The following TMEM132C variants were observed in gnomAD, a reference collection of about 807,000 sequenced individuals.
TMEM132C encodes transmembrane protein 132C.
TMEM132C carries 29 observed loss-of-function variants against 61.4 expected under a neutral mutation model. The ratio of observed to expected loss-of-function variants is 0.47; its 90% confidence interval spans 0.35 to 0.64. TMEM132C has a LOEUF of 0.64. Among genes scored for constraint, TMEM132C ranks in the 30% least tolerant of loss-of-function variants. The pLI, the probability that TMEM132C is intolerant of heterozygous loss-of-function variation, is 0.00. For synonymous variants in TMEM132C, 656 were observed against 633.1 expected (o/e 1.04, Z -0.54); for missense variants, 1,408 against 1,476.9 (o/e 0.95, Z 0.76).
intron 2 of TMEM132C, among the ~76,000 whole-genome samples, chr12:128,455,811 G>A (rs7305644): frequency 6.6e-6 from 1 of 152,110 alleles, no homozygotes; most frequent in Admixed American, 6.6e-5. Context: ...GCCGACTTAC[G>A]GGCTGTGGGG....
intron 1 of TMEM132C, among the ~76,000 whole-genome samples, chr12:128,301,440 T>C (rs12422299): frequency 0.08 from 12,252 of 152,210 alleles, 702 homozygotes; most frequent in East Asian, 0.21. Flanking sequence ...AATTTATTAG[T>C]AGTAGTATTA....
intron 5 of TMEM132C, 80 bp downstream of exon 5, chr12:128,669,640 G>A (rs1256509192): frequency 2.7e-6 from 4 of 1,491,884 alleles, no homozygotes; most frequent in Non-Finnish European, 2.7e-6. Context: ...CATTTAGACT[G>A]AAATACATGA....
chr12:128,653,280 G>A (rs947657543), intron 4 of TMEM132C, among the ~76,000 whole-genome samples: 2 of 152,118 alleles, frequency 1.3e-5, no homozygotes, highest in African/African-American at 4.8e-5. Flanking sequence ...GGGGGGGATG[G>A]GAGTGCCTGC....
chr12:128,695,408 C>T (rs1241882676), intron 6 of TMEM132C, among the ~76,000 whole-genome samples: 1 of 151,944 alleles, frequency 6.6e-6, no homozygotes, highest in South Asian at 2.1e-4. Context: ...CCTGTATTCC[C>T]AGCTATTCAG....
At position 128,514,148 on chromosome 12, in the gene TMEM132C, A is replaced by C. The variant is rs148995452; in HGVS notation, c.975-29809A>C. The stretch of plus-strand genomic sequence containing the variant: ...GTGCTGTACTTACAATGCTAAAGAA[A>C]GCATCACAATCCAAGTTGGCGGCAC... On this transcript the variant is annotated intron_variant, in intron 2 of 8. Coordinates refer to ENST00000435159, the MANE Select transcript of TMEM132C (RefSeq NM_001136103.3). Among the ~76,000 whole-genome samples the C allele has an allele frequency of 1.8e-3, 276 of 152,342 alleles. 1 individual carries two copies. Among genetic ancestry groups the C allele is most frequent in the African/African-American group, 6.1e-3 (254 of 41,576 alleles).
chr12:128,415,764 G>A lies in TMEM132C; in HGVS notation c.974+144G>A. 1.1e-6 allele frequency: 1 copy of A among 941,124 alleles called. No individual in the cohort carries two copies. Among genetic ancestry groups the A allele is most frequent in the Non-Finnish European group, 1.5e-6 (1 of 650,842 alleles). The allele number at this position is 941,124 out of a possible 1,614,324, so 58.3% of individuals were successfully genotyped here. ...GCATTAACAGGGGAAGGCAAATTAT[G>A]CACCTGCCCACATGCTCTCAACAGC... On this transcript the variant is annotated intron_variant, in intron 2 of 8. Transcript: ENST00000435159. The surrounding 1 kb of genome is among the most constrained non-coding windows in gnomAD (Gnocchi z 5.8).
chr12:128,389,706 C>T (rs1874703789), intron 1 of TMEM132C, among the ~76,000 whole-genome samples: 1 of 152,152 alleles, frequency 6.6e-6, no homozygotes, highest in African/African-American at 2.4e-5. Flanking sequence ...TTGGCATAAA[C>T]ATTCCATGCT....
intron 8 of TMEM132C, among the ~76,000 whole-genome samples, chr12:128,698,987 A>G (rs1019281682): frequency 1.3e-5 from 2 of 152,234 alleles, no homozygotes; most frequent in East Asian, 3.8e-4. Flanking sequence ...GGGAGCAGGC[A>G]TGATGACAAA....
At chr12:128,368,088 G>A (rs1873922691) in intron 1 of TMEM132C, among the ~76,000 whole-genome samples, 1 of 152,200 alleles carries the variant, frequency 6.6e-6, no homozygotes, top group Non-Finnish European at 1.5e-5. Flanking sequence ...CGCAGACCAA[G>A]AAGGAGACAA....
intron 8 of TMEM132C, 23 bp downstream of exon 8, chr12:128,697,438 T>C (rs1954774471): frequency 6.6e-7 from 1 of 1,516,574 alleles, no homozygotes; most frequent in Non-Finnish European, 8.9e-7. Context: ...ATGCCAGAGG[T>C]TCAGAGGGAG....
intron 3 of TMEM132C, among the ~76,000 whole-genome samples, chr12:128,574,105 A>T (rs1875003022): frequency 6.6e-6 from 1 of 152,034 alleles, no homozygotes; most frequent in Non-Finnish European, 1.5e-5. Flanking sequence ...TGGAACCCAC[A>T]TGCTCTCCAC....
chr12:128,370,195 AGGTGTGCAG>A (rs1873988516), intron 1 of TMEM132C, among the ~76,000 whole-genome samples: 1 of 145,178 alleles, frequency 6.9e-6, no homozygotes, highest in South Asian at 2.2e-4. Context: ...CTTAGGGCTC[AGGTGTGCAG>A]GGAGATCCAC....
chr12:128,696,118 GTC>G lies in TMEM132C; in HGVS notation c.1929+19_1929+20del. ...CGACCATCCAGGTAGGAAGCTGGGA[GTC>G]TCTGTGTCCCCAGCACTGGGCATGT... is the stretch of plus-strand genomic sequence containing the variant. On this transcript the variant is annotated intron_variant, in intron 7 of 8. Transcript: ENST00000435159. The G allele has an allele frequency of 6.5e-7, 1 of 1,548,996 alleles. No individual in the cohort carries two copies. The highest frequency in any genetic ancestry group is 8.7e-7 in the Non-Finnish European group (1 of 1,145,700).
intron 1 of TMEM132C, among the ~76,000 whole-genome samples, chr12:128,404,066 C>T (rs757027622): frequency 3.3e-5 from 5 of 152,132 alleles, no homozygotes; most frequent in Non-Finnish European, 5.9e-5. Flanking sequence ...CCAGTTGTGA[C>T]AACCAAAAAA....
intron 2 of TMEM132C, among the ~76,000 whole-genome samples, chr12:128,474,559 C>T (rs902487731): frequency 2.0e-5 from 3 of 152,176 alleles, no homozygotes; most frequent in Non-Finnish European, 4.4e-5. Context: ...TACATCCAGA[C>T]ACATTTCCAT....
intron 1 of TMEM132C, among the ~76,000 whole-genome samples, chr12:128,388,787 A>G (rs1296242258): frequency 2.0e-5 from 3 of 152,190 alleles, no homozygotes; most frequent in Non-Finnish European, 1.5e-5. Flanking sequence ...CCGGGCGCTG[A>G]TTTTGTGTTG....
intron 3 of TMEM132C, among the ~76,000 whole-genome samples, chr12:128,574,331 C>G (rs1482699079): frequency 6.6e-6 from 1 of 152,258 alleles, no homozygotes; most frequent in Non-Finnish European, 1.5e-5. Context: ...TAATGTCTCT[C>G]AAGCACCAGC....
chr12:128,690,950 G>A (rs1481919310), intron 5 of TMEM132C, among the ~76,000 whole-genome samples: 1 of 152,154 alleles, frequency 6.6e-6, no homozygotes, highest in Non-Finnish European at 1.5e-5. Context: ...CCCGGAAGCT[G>A]GGGAAAGAGA....
chr12:128,300,381 T>G (rs968554643), intron 1 of TMEM132C, among the ~76,000 whole-genome samples: 1 of 152,100 alleles, frequency 6.6e-6, no homozygotes, highest in Non-Finnish European at 1.5e-5. Context: ...AAAGCAGAGT[T>G]CATGGTTTTT....
Sources: gnomAD v4.1 joint callset for allele counts (sites outside exome capture counted in the v4.1 genomes callset) on GRCh38, gnomAD v4.1.1 for gene constraint, Gnocchi (gnomAD v3.1) non-coding constraint, MANE v1.5 for transcripts, NCBI Gene and HGNC (gene_info 2026-07-23, HGNC 2026-07-21) for gene names.